The following SPIRE2 variants were observed in gnomAD, a reference collection of about 807,000 sequenced individuals.
SPIRE2 encodes the protein protein spire homolog 2.
A neutral mutation model predicts 80.7 loss-of-function variants in SPIRE2; 76 were observed. That is an observed-to-expected ratio of 0.94 (90% CI 0.78 to 1.14). SPIRE2 has a LOEUF of 1.14. SPIRE2 is among the 50% of genes most tolerant of loss of function. SPIRE2 has a pLI of 0.00. For missense variants in SPIRE2, 1,196 were observed against 1,015.3 expected (o/e 1.18, Z -2.42); for synonymous variants, 535 against 432.6 (o/e 1.24, Z -2.94).
rs981073009 is a variant in SPIRE2 at position 89,850,683 on chromosome 16, C to T, written c.645+23C>T. 1.4e-5 allele frequency: 10 copies of T among 733,054 alleles called. 1 individual carries two copies. Among genetic ancestry groups the T allele is most frequent in the Admixed American group, 3.7e-5 (1 of 27,180 alleles). The allele number at this position is 733,054 out of a possible 1,614,324, so 45.4% of individuals were successfully genotyped here. A position where few individuals can be genotyped will look rare whatever the true frequency, so the allele number is the denominator to read the frequency against. On this transcript the variant is annotated intron_variant, in intron 3 of 14. Transcript: ENST00000378247. ...GAGGTGAGCGGTGGGTGGGGGCGAC[C>T]GTGGAGGGTCCGGGAGGCCAGGGAG...
In SPIRE2 at chr16:89,870,047, C is replaced by T. The variant is rs1403990872; in HGVS notation, c.1923-3C>T. 6.2e-7 allele frequency: 1 copy of T among 1,611,378 alleles called. No individual in the cohort carries two copies. Among genetic ancestry groups the T allele is most frequent in the South Asian group, 1.1e-5 (1 of 90,678 alleles). On this transcript the variant is annotated splice_polypyrimidine_tract_variant and splice_region_variant and intron_variant, in intron 14 of 14. Coordinates refer to ENST00000378247, the MANE Select transcript of SPIRE2 (RefSeq NM_032451.2). ...TCCCTGAGTGCCCTCTCCCACTTCC[C>T]AGGTCTCTGCAAGGGCCACAGTGGC...
At chr16:89,845,209 C>G in intron 1 of SPIRE2, 113 bp from the exon 2 acceptor site, 1 of 951,264 alleles carries the variant, frequency 1.1e-6, no homozygotes, top group Admixed American at 1.9e-5. Flanking sequence ...TCTGGTGTTC[C>G]GGCGGAGAGT....
intron 1 of SPIRE2, among the ~76,000 whole-genome samples, chr16:89,838,051 C>T (rs1169235049): frequency 2.0e-5 from 3 of 151,938 alleles, no homozygotes; most frequent in African/African-American, 7.3e-5. Context: ...TGCTCTGTCA[C>T]CCAGGCTGGA....
intron 2 of SPIRE2, among the ~76,000 whole-genome samples, chr16:89,847,671 T>G (rs1270825570): frequency 6.6e-6 from 1 of 152,180 alleles, no homozygotes; most frequent in Non-Finnish European, 1.5e-5. Flanking sequence ...ACTGGGCAGG[T>G]GTCCTGGGCT....
rs1277324254 is a variant in SPIRE2, at chr16:89,834,658, G to A, written c.244+5864G>A. ...GTAGAAGCCTGGATAAGCATAGCCC[G>A]TGTGAATCTGTGAACCTGCCCGCAC... On this transcript the variant is annotated intron_variant, in intron 1 of 14. Transcript: ENST00000378247. 1.1e-4 allele frequency among the ~76,000 whole-genome samples: 13 copies of A among 114,936 alleles called. 1 individual carries two copies. Among genetic ancestry groups the A allele is most frequent in the Non-Finnish European group, 1.4e-4 (8 of 55,204 alleles). 75.4% of individuals were successfully genotyped at this position (114,936 alleles called of 152,430 possible). A position where few individuals can be genotyped will look rare whatever the true frequency, so the allele number is the denominator to read the frequency against.
chr16:89,850,025 A>T (rs2041606286), intron 2 of SPIRE2: 1 of 525,296 alleles, frequency 1.9e-6, no homozygotes, highest in South Asian at 1.9e-5. Context: ...TTTAGTAGAG[A>T]CGGGGTTTCA....
At chr16:89,867,964 C>T (rs890919632) in intron 12 of SPIRE2, among the ~76,000 whole-genome samples, 1 of 152,202 alleles carries the variant, frequency 6.6e-6, no homozygotes, top group Non-Finnish European at 1.5e-5. Context: ...CTCCTGGAGC[C>T]ATCCTTCCTG....
At position 89,854,476 on chromosome 16, in the gene SPIRE2, C is replaced by G; in HGVS notation, c.727-11C>G. ...TGGGGCTGAGACCCATTCTCTTCCC[C>G]TGGGGCCCAGGCCCGACTGTGGGTT... On this transcript the variant is annotated splice_polypyrimidine_tract_variant and intron_variant, in intron 4 of 14. Coordinates refer to ENST00000378247, the MANE Select transcript of SPIRE2 (RefSeq NM_032451.2). 1 of 1,611,636 alleles carries G rather than the reference C, an allele frequency of 6.2e-7. No homozygotes were observed. Among genetic ancestry groups the G allele is most frequent in the Non-Finnish European group, 8.5e-7 (1 of 1,179,146 alleles).
intron 3 of SPIRE2, among the ~76,000 whole-genome samples, chr16:89,853,293 G>A (rs1219607254): frequency 2.4e-5 from 3 of 127,654 alleles, no homozygotes; most frequent in East Asian, 5.3e-4. Flanking sequence ...ATGAGCCACT[G>A]TTCCCGGCCA....
At chr16:89,837,441 C>T (rs550951622) in intron 1 of SPIRE2, among the ~76,000 whole-genome samples, 5 of 152,296 alleles carry the variant, frequency 3.3e-5, no homozygotes, top group Non-Finnish European at 5.9e-5. Flanking sequence ...CATCGTGAGG[C>T]GCATGTGACA....
Position 89,828,751 on chromosome 16 carries a change from G to A in SPIRE2, c.201G>A (p.Leu67=). 1 of 1,208,034 alleles carries A rather than the reference G, an allele frequency of 8.3e-7. No homozygotes were observed. The highest frequency in any genetic ancestry group is 1.0e-6 in the Non-Finnish European group (1 of 972,402). 74.8% of individuals were successfully genotyped at this position (1,208,034 alleles called of 1,614,324 possible). A position where few individuals can be genotyped will look rare whatever the true frequency, so the allele number is the denominator to read the frequency against. The change falls in exon 1 of 15, where the codon CTG becomes CTA. Residue 67 remains leucine, a synonymous_variant. Transcript: ENST00000378247. The surrounding 1 kb of genome is among the most constrained non-coding windows in gnomAD (Gnocchi z 5.9). ...RRLRDTGDLL[L]RGDGSVGARE... ...TGCGGGATACCGGGGACCTCCTGCT[G>A]CGCGGGGACGGCTCGGTCGGGGCGC...
In SPIRE2 at chr16:89,832,098, T is replaced by C. The variant is rs116057550; in HGVS notation, c.244+3304T>C. On this transcript the variant is annotated intron_variant, in intron 1 of 14. Coordinates refer to ENST00000378247, the MANE Select transcript of SPIRE2 (RefSeq NM_032451.2). ...CCCATTCCTCCTCAAGGCGGAGTGA[T>C]GGCAGCGCGTGCCCGCGTGAGGCAA... Among the ~76,000 whole-genome samples the C allele has an allele frequency of 3.0e-3, 464 of 152,334 alleles. 5 individuals carry two copies. Among genetic ancestry groups the C allele is most frequent in the African/African-American group, 0.011 (440 of 41,584 alleles).
chr16:89,830,394 C>T (rs969817322), intron 1 of SPIRE2, among the ~76,000 whole-genome samples: 6 of 151,152 alleles, frequency 4.0e-5, no homozygotes, highest in Non-Finnish European at 7.4e-5. Context: ...CTCATGAAGG[C>T]GAATGAGTTT....
chr16:89,855,641 C>G lies in SPIRE2; in HGVS notation c.933C>G (p.His311Gln), dbSNP rs201974848. 2 of 1,612,732 alleles carry G rather than the reference C, an allele frequency of 1.2e-6. No individual in the cohort carries two copies. Among genetic ancestry groups the G allele is most frequent in the African/African-American group, 2.7e-5 (2 of 74,896 alleles). ...DIPPRVKKDAHELILDFIRSR... is the reference protein window; with the variant it reads ...DIPPRVKKDAQELILDFIRSR... ...CGCCCCGGGTGAAGAAGGACGCTCA[C>G]GAGCTCATCCTGGACTTTATCCGCT... is the stretch of plus-strand genomic sequence containing the variant. The change falls in exon 6 of 15, where the codon CAC becomes CAG. Residue 311 changes from histidine to glutamine, a missense_variant. Transcript: ENST00000378247.
chr16:89,840,812 AT>A (rs1395199131), intron 1 of SPIRE2, among the ~76,000 whole-genome samples: 64 of 140,744 alleles, frequency 4.5e-4, no homozygotes, highest in African/African-American at 1.5e-3. Context: ...ATTTTTTTGT[AT>A]TTTTTAGTAG....
intron 12 of SPIRE2, among the ~76,000 whole-genome samples, chr16:89,864,233 G>C (rs2041769452): frequency 6.6e-6 from 1 of 152,150 alleles, no homozygotes; most frequent in Non-Finnish European, 1.5e-5. Context: ...ATGAGCCACA[G>C]CTGCCGGACT....
In SPIRE2 at chr16:89,855,550, C is replaced by T. The variant is rs780561845; in HGVS notation, c.892-50C>T. 5 of 1,548,980 alleles carry T rather than the reference C, an allele frequency of 3.2e-6. No individual in the cohort carries two copies. The African/African-American group carries it at 5.4e-5, about 17-fold the overall frequency. On this transcript the variant is annotated intron_variant, in intron 5 of 14. Coordinates refer to ENST00000378247, the MANE Select transcript of SPIRE2 (RefSeq NM_032451.2). ...GAGCAGGCCTCTCCCAGTCGCCCTG[C>T]ACTAGTGGATGGTCCCTGCAGGGCC... is the stretch of plus-strand genomic sequence containing the variant.
Position 89,858,346 on chromosome 16 carries a change from T to G in SPIRE2, c.1111T>G (p.Ser371Ala). ...GEGWAARGFG[S>A]LPCILNACSG... ...GGCTCCCGTCTCCCCAGGGTTTGGC[T>G]CTCTGCCCTGCATCCTCAACGCCTG... The change falls in exon 8 of 15, where the codon TCT (serine) becomes GCT (alanine). Residue 371 changes from serine (S) to alanine (A), a missense_variant. Physicochemically the swap from Ser to Ala is moderately conservative, Grantham distance 99. Transcript: ENST00000378247. The G allele has an allele frequency of 6.2e-7, 1 of 1,600,960 alleles. No individual in the cohort carries two copies. Among genetic ancestry groups the G allele is most frequent in the Non-Finnish European group, 8.5e-7 (1 of 1,174,228 alleles).
chr16:89,869,695 C>T lies in SPIRE2; in HGVS notation c.1922+13C>T, dbSNP rs1298175823. ...GAGACATCTTTCAGTGCGTTCTTCG[C>T]CTTGCTGCTGATGTCACTGTGGTGG... On this transcript the variant is annotated intron_variant, in intron 14 of 14. Coordinates refer to ENST00000378247, the MANE Select transcript of SPIRE2 (RefSeq NM_032451.2). The T allele has an allele frequency of 1.3e-6, 2 of 1,594,908 alleles. No individual in the cohort carries two copies. Among genetic ancestry groups the T allele is most frequent in the East Asian group, 2.2e-5 (1 of 44,802 alleles).
Sources: gnomAD v4.1 joint callset for allele counts (sites outside exome capture counted in the v4.1 genomes callset) on GRCh38, gnomAD v4.1.1 for gene constraint, Gnocchi (gnomAD v3.1) non-coding constraint, MANE v1.5 for transcripts, NCBI Gene and HGNC (gene_info 2026-07-23, HGNC 2026-07-21) for gene names.